LRMDA: variants seen among roughly 807,000 people sequenced by gnomAD.
LRMDA encodes leucine rich melanocyte differentiation associated.
LRMDA carries 18 observed loss-of-function variants against 29.8 expected under a neutral mutation model. The observed-to-expected ratio is 0.60, with a 90% CI of 0.42 to 0.90. LRMDA has a LOEUF of 0.90. LRMDA is among the 40% of genes least tolerant of loss of function. The pLI is 0.00. For synonymous variants in LRMDA, 125 were observed against 109.4 expected (o/e 1.14, Z -0.89); for missense variants, 273 against 273.9 (o/e 1.00, Z 0.02).
intron 1 of LRMDA, among the ~76,000 whole-genome samples, chr10:75,433,950 T>C (rs1259615042): frequency 6.6e-6 from 1 of 152,158 alleles, no homozygotes; most frequent in Non-Finnish European, 1.5e-5. Flanking sequence ...GAGCTGGTTT[T>C]TAGGAGCTCC....
Position 76,500,425 on chromosome 10 carries a change from A to G in LRMDA, c.602-56784A>G, listed in dbSNP as rs375695688. Among the ~76,000 whole-genome samples, 23 of 76,296 alleles carry G rather than the reference A, an allele frequency of 3.0e-4. 7 individuals carry two copies. Among genetic ancestry groups the G allele is most frequent in the East Asian group, 2.2e-3 (9 of 4,040 alleles). The allele number at this position is 76,296 out of a possible 152,430, so 50.1% of individuals were successfully genotyped here. Reference sequence around the variant, plus strand: ...AAACATAATAGTTTCATAATGGTCCATCTTGTGGTTAATACATACTGCCCT... The same window carrying G: ...AAACATAATAGTTTCATAATGGTCCGTCTTGTGGTTAATACATACTGCCCT... On this transcript the variant is annotated intron_variant, in intron 6 of 6. Transcript: ENST00000611255.
intron 2 of LRMDA, among the ~76,000 whole-genome samples, chr10:75,783,408 T>C (rs1166275492): frequency 6.6e-6 from 1 of 150,918 alleles, no homozygotes; most frequent in Non-Finnish European, 1.5e-5. Context: ...CCAAAAGGAA[T>C]CTAGTTAATT....
At chr10:75,802,952 GTGTATA>G (rs139751896) in intron 2 of LRMDA, among the ~76,000 whole-genome samples, 7,077 of 138,702 alleles carry the variant, frequency 0.051, 232 homozygotes, top group Non-Finnish European at 0.071. Context: ...GTGTGTGTGT[GTGTATA>G]TATATATATA....
At chr10:76,285,537 G>T (rs181040551) in intron 5 of LRMDA, among the ~76,000 whole-genome samples, 1 of 152,116 alleles carries the variant, frequency 6.6e-6, no homozygotes, top group Non-Finnish European at 1.5e-5. Context: ...TTTCATGCCC[G>T]CATTGGCTTT....
At chr10:76,255,166 C>A (rs1423075651) in intron 5 of LRMDA, among the ~76,000 whole-genome samples, 1 of 152,150 alleles carries the variant, frequency 6.6e-6, no homozygotes, top group Non-Finnish European at 1.5e-5. Context: ...AAAATCAAGT[C>A]TTTCATTGCC....
At chr10:76,326,280 A>G (rs956816771) in intron 6 of LRMDA, among the ~76,000 whole-genome samples, 1 of 152,220 alleles carries the variant, frequency 6.6e-6, no homozygotes, top group Admixed American at 6.5e-5. Context: ...GCATAAACCA[A>G]TTTGGCTTGA....
chr10:76,207,761 C>T (rs556562166), intron 5 of LRMDA, among the ~76,000 whole-genome samples: 22 of 152,218 alleles, frequency 1.4e-4, no homozygotes, highest in South Asian at 2.1e-4. Context: ...GTCAGGAGAT[C>T]GAGACCAGCC....
intron 6 of LRMDA, among the ~76,000 whole-genome samples, chr10:76,458,551 G>A (rs1842481033): frequency 6.6e-6 from 1 of 152,186 alleles, no homozygotes; most frequent in Non-Finnish European, 1.5e-5. Flanking sequence ...GAGGGTGAAT[G>A]GGATATGGGG....
intron 6 of LRMDA, among the ~76,000 whole-genome samples, chr10:76,409,540 A>G (rs1415935288): frequency 6.6e-6 from 1 of 152,160 alleles, no homozygotes; most frequent in Non-Finnish European, 1.5e-5. Context: ...TCCATTGCTA[A>G]CCCGTTCACT....
At chr10:76,155,924 C>A (rs1394993853) in intron 5 of LRMDA, among the ~76,000 whole-genome samples, 1 of 152,040 alleles carries the variant, frequency 6.6e-6, no homozygotes, top group African/African-American at 2.4e-5. Flanking sequence ...CTAACTCATC[C>A]AATTATAGCA....
At chr10:76,385,905 C>A (rs1841653774) in intron 6 of LRMDA, among the ~76,000 whole-genome samples, 1 of 152,154 alleles carries the variant, frequency 6.6e-6, no homozygotes, top group South Asian at 2.1e-4. Flanking sequence ...AGTAAATGCT[C>A]AATAAATATT....
chr10:75,658,761 A>G (rs1188091360), intron 2 of LRMDA, among the ~76,000 whole-genome samples: 12 of 150,172 alleles, frequency 8.0e-5, no homozygotes, highest in Admixed American at 7.2e-4. Context: ...GTGTGAGACC[A>G]AACATTGTGG....
chr10:76,421,670 TG>T (rs1329965768), intron 6 of LRMDA, among the ~76,000 whole-genome samples: 2 of 152,206 alleles, frequency 1.3e-5, no homozygotes, highest in Non-Finnish European at 2.9e-5. Context: ...GTTGTATAGT[TG>T]TCATTTCTTT....
At chr10:75,591,551 T>G (rs957817129) in intron 2 of LRMDA, among the ~76,000 whole-genome samples, 1 of 152,194 alleles carries the variant, frequency 6.6e-6, no homozygotes, top group Non-Finnish European at 1.5e-5. Flanking sequence ...AGCCCAAATT[T>G]CTATGCTTAC....
At chr10:75,916,909 G>T (rs1397981597) in intron 2 of LRMDA, among the ~76,000 whole-genome samples, 5 of 152,188 alleles carry the variant, frequency 3.3e-5, no homozygotes, top group Non-Finnish European at 5.9e-5. Flanking sequence ...AGCCTTTTTA[G>T]CCTAGGGGTT....
intron 6 of LRMDA, among the ~76,000 whole-genome samples, chr10:76,509,977 G>T: frequency 6.6e-6 from 1 of 152,150 alleles, no homozygotes; most frequent in East Asian, 1.9e-4. Context: ...CTCCAACCAG[G>T]CTGTGAAAGT....
chr10:76,215,840 G>C (rs902526750), intron 5 of LRMDA, among the ~76,000 whole-genome samples: 2 of 152,222 alleles, frequency 1.3e-5, no homozygotes, highest in African/African-American at 4.8e-5. Context: ...AATCAGCAAA[G>C]CAGAGGTTTA....
intron 2 of LRMDA, among the ~76,000 whole-genome samples, chr10:75,763,006 T>C (rs546803539): frequency 5.9e-5 from 9 of 152,348 alleles, no homozygotes; most frequent in African/African-American, 1.9e-4. Context: ...TTGAGACCTA[T>C]TTTATTCTAA....
intron 2 of LRMDA, among the ~76,000 whole-genome samples, chr10:76,001,512 C>G (rs1847562429): frequency 6.6e-6 from 1 of 152,052 alleles, no homozygotes. Context: ...TTCATTATGG[C>G]TTAAACTTTG....
Sources: gnomAD v4.1 joint callset for allele counts (sites outside exome capture counted in the v4.1 genomes callset) on GRCh38, gnomAD v4.1.1 for gene constraint, MANE v1.5 for transcripts, NCBI Gene and HGNC (gene_info 2026-07-23, HGNC 2026-07-21) for gene names.